The following SEC23A variants were observed in gnomAD, a reference collection of about 807,000 sequenced individuals.
The protein encoded by SEC23A is protein transport protein Sec23A.
In SEC23A, 56 loss-of-function variants were observed where a neutral mutation model predicts 103.7. That is an observed-to-expected ratio of 0.54 (90% CI 0.44 to 0.67). The LOEUF (loss-of-function observed/expected upper bound fraction) is 0.67. Among genes scored for constraint, SEC23A ranks in the 30% least tolerant of loss-of-function variants. The pLI is 0.00. For synonymous variants in SEC23A, 281 were observed against 293.0 expected (o/e 0.96, Z 0.42); for missense variants, 784 against 936.4 (o/e 0.84, Z 2.12).
intron 9 of SEC23A, 76 bp downstream of exon 9, chr14:39,074,338 TG>T: frequency 1.1e-6 from 1 of 917,206 alleles, no homozygotes; most frequent in Non-Finnish European, 1.8e-6. Flanking sequence ...TTTCCCTAAA[TG>T]GTCATTATTG....
chr14:39,094,429 TA>T (rs1887807331), intron 2 of SEC23A, among the ~76,000 whole-genome samples: 3 of 54,618 alleles, frequency 5.5e-5, no homozygotes, highest in African/African-American at 4.7e-4. Flanking sequence ...TATATATATA[TA>T]TATATATATA....
chr14:39,074,586 T>G, intron 8 of SEC23A, 56 bp from the exon 9 acceptor site: 1 of 1,081,590 alleles, frequency 9.2e-7, no homozygotes, highest in Non-Finnish European at 1.4e-6. Context: ...TAAATCTTTT[T>G]TCCATTAACA....
At chr14:39,076,880 T>A (rs1447042512) in intron 7 of SEC23A, among the ~76,000 whole-genome samples, 2 of 147,830 alleles carry the variant, frequency 1.4e-5, no homozygotes, top group Non-Finnish European at 3.0e-5. Flanking sequence ...TGAGCCAAGA[T>A]CACGCCACTG....
At position 39,061,861 on chromosome 14, in the gene SEC23A, G is replaced by C. The variant is rs375987119; in HGVS notation, c.1409C>G (p.Pro470Arg). The C allele has an allele frequency of 1.2e-6, 2 of 1,611,482 alleles. No individual in the cohort carries two copies. The highest frequency in any genetic ancestry group is 2.7e-5 in the African/African-American group (2 of 74,868). ...TGCACCACGCCCTCCTTGAGGAATT[G>C]GAGCATTATGCTGTATAAATATAAT... ...YFEVVNQHNA[P>R]IPQGGRGAIQ... The change falls in exon 13 of 20, where the codon CCA (proline) becomes CGA (arginine). Residue 470 changes from proline (P) to arginine (R), a missense_variant. By Grantham distance (103) the Pro-to-Arg change is moderately radical. This residue lies in a region of SEC23A where 683 missense variants were observed against 774.2 expected (regional missense o/e 0.88). Coordinates refer to ENST00000307712, the MANE Select transcript of SEC23A (RefSeq NM_006364.4).
intron 7 of SEC23A, among the ~76,000 whole-genome samples, chr14:39,083,236 C>T (rs987631588): frequency 6.6e-6 from 1 of 152,070 alleles, no homozygotes; most frequent in East Asian, 1.9e-4. Flanking sequence ...GGCAAACCTG[C>T]CTCCCATTCT....
At chr14:39,064,270 ATTAT>A (rs1886582246) in intron 11 of SEC23A, among the ~76,000 whole-genome samples, 1 of 152,128 alleles carries the variant, frequency 6.6e-6, no homozygotes, top group Non-Finnish European at 1.5e-5. Flanking sequence ...CCCACTTTGT[ATTAT>A]TTGTCCCATC....
Position 39,063,329 on chromosome 14 carries a change from T to G in SEC23A, c.1393A>C (p.Asn465His). Residue 465 changes from asparagine (N) to histidine (H), a missense_variant, in exon 12 of 20, where the codon AAT (asparagine) becomes CAT (histidine). Physicochemically the swap from Asn to His is moderately conservative, Grantham distance 68. Transcript: ENST00000307712. Reference protein sequence around the residue: ...TTLAIYFEVVNQHNAPIPQGG... With the variant: ...TTLAIYFEVVHQHNAPIPQGG... ...TCAGATGTAGAAAGTCATACCTGATTGACAACCTCAAAATATATGGCTAAG... is the reference window on the plus strand; with the variant it reads ...TCAGATGTAGAAAGTCATACCTGATGGACAACCTCAAAATATATGGCTAAG... 6.3e-7 allele frequency: 1 copy of G among 1,595,118 alleles called. No individual in the cohort carries two copies. Among genetic ancestry groups the G allele is most frequent in the Non-Finnish European group, 8.6e-7 (1 of 1,162,878 alleles).
chr14:39,089,407 T>C (rs2139283460), intron 5 of SEC23A, among the ~76,000 whole-genome samples: 1 of 152,220 alleles, frequency 6.6e-6, no homozygotes, highest in South Asian at 2.1e-4. Flanking sequence ...AGCACAGAGA[T>C]TTCAACTGGT....
At chr14:39,091,829 A>G in intron 4 of SEC23A, 116 bp from the exon 5 acceptor site, 3 of 745,518 alleles carry the variant, frequency 4.0e-6, no homozygotes, top group Non-Finnish European at 7.0e-6. Flanking sequence ...AAGCCATTTC[A>G]GAAATGAAAC....
At chr14:39,039,190 G>T in intron 18 of SEC23A, 94 bp from the exon 19 acceptor site, 1 of 982,642 alleles carries the variant, frequency 1.0e-6, no homozygotes, top group Non-Finnish European at 1.6e-6. Context: ...ATTTTATTTA[G>T]TATGTGTTGG....
intron 7 of SEC23A, among the ~76,000 whole-genome samples, chr14:39,084,936 G>A (rs1380441360): frequency 6.6e-6 from 1 of 152,174 alleles, no homozygotes; most frequent in East Asian, 1.9e-4. Flanking sequence ...CTCCCAAAGT[G>A]CTGGGATTAC....
intron 1 of SEC23A, among the ~76,000 whole-genome samples, chr14:39,097,101 T>TC (rs1205893098): frequency 6.6e-6 from 1 of 152,188 alleles, no homozygotes; most frequent in Non-Finnish European, 1.5e-5. Context: ...CATTTTAAAC[T>TC]CCAATTTGAG....
At chr14:39,055,325 C>T in intron 13 of SEC23A, 29 bp from the exon 14 acceptor site, 2 of 1,610,644 alleles carry the variant, frequency 1.2e-6, no homozygotes, top group South Asian at 1.1e-5. Flanking sequence ...CATAGAAATG[C>T]TTCTGAATTA....
intron 13 of SEC23A, among the ~76,000 whole-genome samples, chr14:39,059,817 TAGAA>T (rs1307736205): frequency 2.0e-5 from 3 of 152,290 alleles, no homozygotes; most frequent in Admixed American, 1.3e-4. Flanking sequence ...CATTATCATA[TAGAA>T]AGAGACTATA....
At chr14:39,071,272 C>T (rs1886831228) in intron 9 of SEC23A, among the ~76,000 whole-genome samples, 1 of 149,214 alleles carries the variant, frequency 6.7e-6, no homozygotes, top group South Asian at 2.1e-4. Flanking sequence ...AAACAAGTTC[C>T]ACAAGGTTGC....
chr14:39,092,441 T>G, intron 4 of SEC23A, 100 bp downstream of exon 4: 1 of 761,310 alleles, frequency 1.3e-6, no homozygotes, highest in Middle Eastern at 3.8e-4. Flanking sequence ...ATCAAATCAA[T>G]GTGAGAATTA....
intron 8 of SEC23A, among the ~76,000 whole-genome samples, chr14:39,074,747 C>T (rs1224677106): frequency 1.3e-5 from 2 of 152,192 alleles, no homozygotes; most frequent in African/African-American, 4.8e-5. Flanking sequence ...TCTAGATAAA[C>T]CCCTAAATGA....
intron 15 of SEC23A, 125 bp downstream of exon 15, chr14:39,048,519 AAGCCCCGG>A (rs1213031805): frequency 6.1e-6 from 4 of 650,972 alleles, no homozygotes; most frequent in Non-Finnish European, 1.1e-5. Context: ...GAGGCTGACT[AAGCCCCGG>A]AGTTCCAGGT....
At chr14:39,040,413 A>T (rs568490357) in intron 18 of SEC23A, 71 of 308,574 alleles carry the variant, frequency 2.3e-4, no homozygotes, top group African/African-American at 1.5e-3. Flanking sequence ...TAAGAAAAGT[A>T]TATTACTTTC....
Sources: gnomAD v4.1 joint callset for allele counts (sites outside exome capture counted in the v4.1 genomes callset) on GRCh38, gnomAD v4.1.1 for gene constraint, gnomAD v4.1.1 regional missense constraint, MANE v1.5 for transcripts, NCBI Gene and HGNC (gene_info 2026-07-23, HGNC 2026-07-21) for gene names.